FXYD6: variants seen among roughly 807,000 people sequenced by gnomAD.
The protein encoded by FXYD6 is FXYD domain containing ion transport regulator 6, also known as FXYD domain-containing ion transport regulator 6.
A neutral mutation model predicts 16.7 loss-of-function variants in FXYD6; 7 were observed. That is an observed-to-expected ratio of 0.42 (90% CI 0.24 to 0.79). The LOEUF is 0.79. Among genes scored for constraint, FXYD6 ranks in the 30% least tolerant of loss-of-function variants. The pLI, the probability that FXYD6 is intolerant of heterozygous loss-of-function variation, is 0.28. For missense variants in FXYD6, 111 were observed against 116.2 expected (o/e 0.95, Z 0.21); for synonymous variants, 49 against 43.0 (o/e 1.14, Z -0.54).
intron 1 of FXYD6, among the ~76,000 whole-genome samples, chr11:117,859,905 C>T (rs2056866493): frequency 6.6e-6 from 1 of 152,226 alleles, no homozygotes; most frequent in African/African-American, 2.4e-5. Flanking sequence ...GCAATAGCCA[C>T]CTGCACCAAG....
At chr11:117,862,747 C>T (rs1323276369) in intron 1 of FXYD6, among the ~76,000 whole-genome samples, 1 of 152,192 alleles carries the variant, frequency 6.6e-6, no homozygotes, top group Non-Finnish European at 1.5e-5. Context: ...TTCTGCAAAA[C>T]CAAGGTGCTG....
chr11:117,858,715 CCTTCCTTCCCTTCCT>C (rs1263155264), intron 1 of FXYD6, among the ~76,000 whole-genome samples: 1 of 99,472 alleles, frequency 1.0e-5, no homozygotes, highest in South Asian at 4.2e-4. Context: ...CTCTCTCTCT[CCTTCCTTCCCTTCCT>C]TCCTTCCTTC....
At chr11:117,871,459 G>A (rs949353587) in intron 1 of FXYD6, among the ~76,000 whole-genome samples, 10 of 152,072 alleles carry the variant, frequency 6.6e-5, no homozygotes, top group South Asian at 4.2e-4. Flanking sequence ...TGGAGCGGGC[G>A]GGGTGGGAGG....
chr11:117,871,293 C>T (rs1046080595), intron 1 of FXYD6, among the ~76,000 whole-genome samples: 3 of 152,150 alleles, frequency 2.0e-5, no homozygotes, highest in South Asian at 4.2e-4. Flanking sequence ...TGGGAGACAG[C>T]CGGGAAGGGC....
intron 1 of FXYD6, among the ~76,000 whole-genome samples, chr11:117,874,570 C>T (rs999596082): frequency 5.9e-5 from 9 of 152,204 alleles, no homozygotes; most frequent in African/African-American, 2.2e-4. Flanking sequence ...CCCCTTCCTG[C>T]CTCCCTGGCC....
chr11:117,875,549 A>T (rs535437310), intron 1 of FXYD6, among the ~76,000 whole-genome samples: 127 of 152,252 alleles, frequency 8.3e-4, no homozygotes, highest in Non-Finnish European at 1.4e-3. Flanking sequence ...GTAGACATAC[A>T]CATCCATAAT....
chr11:117,871,741 A>G (rs2057141380), intron 1 of FXYD6, among the ~76,000 whole-genome samples: 1 of 152,236 alleles, frequency 6.6e-6, no homozygotes, highest in Admixed American at 6.5e-5. Flanking sequence ...GCTAGGCAGC[A>G]TGCTGAGCCC....
intron 1 of FXYD6, among the ~76,000 whole-genome samples, chr11:117,856,640 G>A (rs1405180350): frequency 2.6e-5 from 4 of 152,176 alleles, no homozygotes; most frequent in Non-Finnish European, 5.9e-5. Context: ...TATATGCAAA[G>A]GGATATGATT....
intron 1 of FXYD6, among the ~76,000 whole-genome samples, chr11:117,873,627 G>A (rs1204548246): frequency 6.6e-6 from 1 of 152,218 alleles, no homozygotes; most frequent in African/African-American, 2.4e-5. Context: ...GTGCTCAGAA[G>A]GTGATTTGTT....
At chr11:117,848,212 A>G (rs2056518519) in intron 1 of FXYD6, among the ~76,000 whole-genome samples, 1 of 152,190 alleles carries the variant, frequency 6.6e-6, no homozygotes, top group Non-Finnish European at 1.5e-5. Context: ...CTGATTTTAA[A>G]TAGAGTTTTT....
At chr11:117,868,498 GA>G (rs374910928) in intron 1 of FXYD6, among the ~76,000 whole-genome samples, 22 of 152,202 alleles carry the variant, frequency 1.4e-4, no homozygotes, top group South Asian at 1.2e-3. Flanking sequence ...GTGACCCTCA[GA>G]ACTGTCAAAG....
chr11:117,859,505 G>T (rs1015264662), intron 1 of FXYD6, among the ~76,000 whole-genome samples: 2 of 152,210 alleles, frequency 1.3e-5, no homozygotes, highest in South Asian at 4.1e-4. Flanking sequence ...GATACAAGAG[G>T]TAATAATTAT....
chr11:117,876,275 C>T (rs1406501484), intron 1 of FXYD6, among the ~76,000 whole-genome samples: 1 of 152,218 alleles, frequency 6.6e-6, no homozygotes, highest in Non-Finnish European at 1.5e-5. Context: ...AGCCCTTTCC[C>T]CTTCTCCTGA....
chr11:117,876,994 G>T (rs1000270864), upstream of FXYD6: 1 of 152,288 alleles, frequency 6.6e-6, no homozygotes, highest in South Asian at 2.1e-4. Flanking sequence ...GCGTGCAAGC[G>T]CCGGAGCGGA....
At chr11:117,858,728 CCTTCCTTCCTTCCTT>C (rs2056825758) in intron 1 of FXYD6, among the ~76,000 whole-genome samples, 1 of 54,032 alleles carries the variant, frequency 1.9e-5, no homozygotes, top group African/African-American at 6.3e-5. Context: ...TCCTTCCCTT[CCTTCCTTCCTTCCTT>C]CCTTCCTTCC....
rs766526520 is a variant in FXYD6, at chr11:117,841,855, G to T, written c.108C>A (p.Thr36=). The change falls in exon 4 of 8, where the codon ACC becomes ACA. Residue 36 remains threonine, a synonymous_variant. Transcript: ENST00000526014. ...CGAACACCAGTCCCCCAATCCTCAG[G>T]GTCTGGTAATCTGCCAAAGGAACCA... ...EMDPFHYDYQ[T]LRIGGLVFAV... 1 of 1,613,896 alleles carries T rather than the reference G, an allele frequency of 6.2e-7. No homozygotes were observed. Among genetic ancestry groups the T allele is most frequent in the Non-Finnish European group, 8.5e-7 (1 of 1,179,968 alleles).
intron 1 of FXYD6, among the ~76,000 whole-genome samples, chr11:117,855,760 G>A (rs1283538581): frequency 3.9e-5 from 6 of 152,210 alleles, no homozygotes; most frequent in African/African-American, 1.4e-4. Flanking sequence ...CGCCACCTGC[G>A]CACTGGGCCC....
chr11:117,854,332 T>TGAGAAATCATCA (rs2056676019), intron 1 of FXYD6, among the ~76,000 whole-genome samples: 1 of 152,188 alleles, frequency 6.6e-6, no homozygotes, highest in Non-Finnish European at 1.5e-5. Flanking sequence ...GCAATAGGGC[T>TGAGAAATCATCA]CTTCCTGCCC....
chr11:117,851,076 C>A (rs2056600692), intron 1 of FXYD6, among the ~76,000 whole-genome samples: 1 of 152,196 alleles, frequency 6.6e-6, no homozygotes, highest in Non-Finnish European at 1.5e-5. Context: ...ATTCGTACTT[C>A]ATGAAAACTA....
Sources: allele counts gnomAD v4.1 joint callset (sites outside exome capture counted in the v4.1 genomes callset), GRCh38; gene constraint gnomAD v4.1.1; transcripts MANE v1.5; gene names NCBI Gene and HGNC (gene_info 2026-07-23, HGNC 2026-07-21).